Variants in SPTBN5 observed in about 807,000 individuals in gnomAD.
SPTBN5 encodes the protein spectrin beta, non-erythrocytic 5, also known as spectrin beta chain, non-erythrocytic 5.
A neutral mutation model predicts 477.6 loss-of-function variants in SPTBN5; 513 were observed. That is an observed-to-expected ratio of 1.07 (90% CI 1.00 to 1.16). The LOEUF is 1.16. Ranked by LOEUF, SPTBN5 falls within the 50% of genes most tolerant of loss-of-function variation. The pLI is 0.00. For synonymous variants in SPTBN5, 2,169 were observed against 2,011.7 expected (o/e 1.08, Z -2.09); for missense variants, 5,062 against 4,731.8 (o/e 1.07, Z -2.05).
intron 25 of SPTBN5, 96 bp downstream of exon 25, chr15:41,873,749 C>T (rs1341456731): frequency 2.6e-6 from 4 of 1,541,166 alleles, no homozygotes. Context: ...CCCAGAGCCC[C>T]CACCACTGAT....
intron 3 of SPTBN5, 140 bp from the exon 4 acceptor site, chr15:41,890,345 AGCAG>A (rs1441430962): frequency 3.1e-6 from 2 of 651,086 alleles, no homozygotes; most frequent in Non-Finnish European, 5.6e-6. Context: ...CTCAGGGAGA[AGCAG>A]GCAGGGGATA....
At chr15:41,878,296 C>A in intron 17 of SPTBN5, 46 bp downstream of exon 17, 1 of 1,592,082 alleles carries the variant, frequency 6.3e-7, no homozygotes. Context: ...AGCCCAGAGC[C>A]CTGGTCCCAG....
In SPTBN5 at chr15:41,868,198, G is replaced by A; in HGVS notation, c.6078C>T (p.Ala2026=). 1 of 1,581,822 alleles carries A rather than the reference G, an allele frequency of 6.3e-7. No homozygotes were observed. Among genetic ancestry groups the A allele is most frequent in the Non-Finnish European group, 8.6e-7 (1 of 1,164,112 alleles). Residue 2026 remains alanine (A), a synonymous_variant, in exon 34 of 68, where the codon GCC becomes GCT. Coordinates refer to ENST00000320955, the MANE Select transcript of SPTBN5 (RefSeq NM_016642.4). ...ACACCTGGTCCCGCTGGTCCTGCAG[G>A]GCTCGAAGCTCTTCCTGGACCTGGG... ...PTKEVQEELR[A]LQDQRDQVYQ... is the part of the protein sequence containing the mutation.
At chr15:41,878,026 G>C (rs545586693) in intron 17 of SPTBN5, among the ~76,000 whole-genome samples, 1 of 152,200 alleles carries the variant, frequency 6.6e-6, no homozygotes, top group Non-Finnish European at 1.5e-5. Context: ...GACGGCAGGG[G>C]GGGCTAGACG....
chr15:41,856,903 C>T lies in SPTBN5; in HGVS notation c.8758G>A (p.Asp2920Asn), dbSNP rs748356701. 7 of 1,552,968 alleles carry T rather than the reference C, an allele frequency of 4.5e-6. No homozygotes were observed. The East Asian group carries it at 1.5e-4, about 32-fold the overall frequency. ...ACCGCACTCAGGCTCTGGCCATAGTCCTGGGCAGCGGCCAGAGGCAGCTTC... is the reference window on the plus strand; with the variant it reads ...ACCGCACTCAGGCTCTGGCCATAGTTCTGGGCAGCGGCCAGAGGCAGCTTC... ...QEKLPLAAAQ[D>N]YGQSLSAVRH... The change falls in exon 52 of 68, where the codon GAC (aspartate) becomes AAC (asparagine). Residue 2920 changes from aspartate (D) to asparagine (N), a missense_variant. Transcript: ENST00000320955.
intron 42 of SPTBN5, 42 bp downstream of exon 42, chr15:41,862,741 GTCCTACT>G: frequency 6.5e-7 from 1 of 1,545,336 alleles, no homozygotes; most frequent in African/African-American, 1.4e-5. Context: ...TGTGCCCAGG[GTCCTACT>G]CAGGAGATGC....
At position 41,852,994 on chromosome 15, in the gene SPTBN5, C is replaced by A. The variant is rs1454314471; in HGVS notation, c.10177G>T (p.Glu3393Ter). 2.0e-6 allele frequency: 3 copies of A among 1,536,234 alleles called. No individual in the cohort carries two copies. The African/African-American group carries it at 4.1e-5, about 21-fold the overall frequency. Reference protein sequence around the residue: ...NSHFMSAEVTECLQELEGRLQ... With the variant: ...NSHFMSAEVT The stretch of plus-strand genomic sequence containing the variant: ...CGCCCTTCCAGCTCCTGCAGGCACT[C>A]TGTCACCTGGTGGGGAGGGGCTGCT... Residue 3393 changes from glutamate to a stop codon, truncating the protein, a stop_gained, in exon 60 of 68, where the codon GAG becomes TAG. Transcript: ENST00000320955. LOFTEE classifies it high-confidence loss of function.
At chr15:41,850,981 G>A (rs766225930) in intron 65 of SPTBN5, 42 bp from the exon 66 acceptor site, 8 of 1,589,368 alleles carry the variant, frequency 5.0e-6, no homozygotes, top group Non-Finnish European at 6.0e-6. Context: ...TGTCCCTTTG[G>A]GGACCCCCAC....
At chr15:41,874,205 A>T in intron 24 of SPTBN5, 87 bp downstream of exon 24, 1 of 1,524,916 alleles carries the variant, frequency 6.6e-7, no homozygotes. Context: ...GAGGGCTTAG[A>T]GGCCAGGACA....
At position 41,876,300 on chromosome 15, in the gene SPTBN5, C is replaced by T. The variant is rs776734505; in HGVS notation, c.3952-16G>A. 1.0e-4 allele frequency: 154 copies of T among 1,537,112 alleles called. No homozygotes were observed. Among genetic ancestry groups the T allele is most frequent in the Middle Eastern group, 3.4e-4 (2 of 5,926 alleles). On this transcript the variant is annotated splice_polypyrimidine_tract_variant and intron_variant, in intron 20 of 67. Transcript: ENST00000320955. ...GCTTCCACTCCTGCCAAGAACCAGG[C>T]GAGAGTGGGTCTCAGAGCACGGTGG...
Position 41,866,479 on chromosome 15 carries a change from G to T in SPTBN5, c.6495C>A (p.Ile2165=). ...CCTTCAGCTGCTGGGCCCACGCCTGGATCCAGTCCTCAGCCTGGTGGGGGT... is the reference window on the plus strand; with the variant it reads ...CCTTCAGCTGCTGGGCCCACGCCTGTATCCAGTCCTCAGCCTGGTGGGGGT... ...TQAATQAEDW[I]QAWAQQLKEP... is the part of the protein sequence containing the mutation. The change falls in exon 37 of 68, where the codon ATC becomes ATA. Residue 2165 remains isoleucine (I), a synonymous_variant. Coordinates refer to ENST00000320955, the MANE Select transcript of SPTBN5 (RefSeq NM_016642.4). The T allele has an allele frequency of 6.3e-7, 1 of 1,575,548 alleles. No individual in the cohort carries two copies.
intron 32 of SPTBN5, among the ~76,000 whole-genome samples, chr15:41,868,947 GGAAA>G (rs2066435791): frequency 6.6e-6 from 1 of 152,188 alleles, no homozygotes; most frequent in Non-Finnish European, 1.5e-5. Flanking sequence ...TGCTTGATGG[GGAAA>G]GAAAGTTCAC....
At position 41,855,238 on chromosome 15, in the gene SPTBN5, G is replaced by A. The variant is rs751747692; in HGVS notation, c.9409C>T (p.Leu3137=). 5 of 1,611,984 alleles carry A rather than the reference G, an allele frequency of 3.1e-6. No homozygotes were observed. The highest frequency in any genetic ancestry group is 4.2e-6 in the Non-Finnish European group (5 of 1,179,274). The change falls in exon 55 of 68, where the codon CTG becomes TTG. Residue 3137 remains leucine, a synonymous_variant. Coordinates refer to ENST00000320955, the MANE Select transcript of SPTBN5 (RefSeq NM_016642.4). ...GAGTAACTCACCTTGACACCCTCCAGGTCCTGCCCGTAGTCCTGGGACTCG... is the reference window on the plus strand; with the variant it reads ...GAGTAACTCACCTTGACACCCTCCAAGTCCTGCCCGTAGTCCTGGGACTCG... ...TAESQDYGQD[L]EGVKVLEEKF...
In SPTBN5 at chr15:41,876,557, G is replaced by A. The variant is rs1175960167; in HGVS notation, c.3942C>T (p.Leu1314=). 6.3e-7 allele frequency: 1 copy of A among 1,598,190 alleles called. No homozygotes were observed. Among genetic ancestry groups the A allele is most frequent in the East Asian group, 2.3e-5 (1 of 44,104 alleles). Residue 1314 remains leucine, a synonymous_variant, in exon 20 of 68, where the codon CTC becomes CTT. Coordinates refer to ENST00000320955, the MANE Select transcript of SPTBN5 (RefSeq NM_016642.4). ...EQRRRQLLAS[L]QLQEWKQDVA... ...GGGCCCAGACCCTCACCTGGAGCTG[G>A]AGGGAAGCCAGCAACTGCCTCCTCC...
At position 41,893,466 on chromosome 15, in the gene SPTBN5, A is replaced by C. The variant is rs1468144690; in HGVS notation, c.32T>G (p.Leu11Arg). The change falls in exon 2 of 68, where the codon CTC (leucine) becomes CGC (arginine). Residue 11 changes from leucine (L) to arginine (R), a missense_variant. Physicochemically the swap from Leu to Arg is moderately radical, Grantham distance 102. Transcript: ENST00000320955. ...GCTGCGGTGCCCTGCAGCCCCGAGG[A>C]GCTCCCGGGGACTGTGGGGCTGACC... Reference protein sequence around the residue: MAGQPHSPRELLGAAGHRSRR... With the variant: MAGQPHSPRERLGAAGHRSRR... The C allele has an allele frequency of 6.2e-7, 1 of 1,601,976 alleles. No homozygotes were observed. The highest frequency in any genetic ancestry group is 1.7e-5 in the Admixed American group (1 of 58,534).
At chr15:41,881,897 C>T (rs1158235318) in intron 12 of SPTBN5, 39 bp downstream of exon 12, 2 of 1,500,130 alleles carry the variant, frequency 1.3e-6, no homozygotes, top group Non-Finnish European at 1.8e-6. Context: ...CGCGGTGGAG[C>T]AAGGGAGACC....
intron 1 of SPTBN5, 33 bp downstream of exon 1, chr15:41,893,866 G>A (rs892573569): frequency 2.0e-5 from 6 of 306,040 alleles, no homozygotes; most frequent in Non-Finnish European, 3.1e-5. Flanking sequence ...TCTGCTGGAC[G>A]GATGGAGATG....
rs993514449 is a variant in SPTBN5 at position 41,870,366 on chromosome 15, G to A, written c.5563-13C>T. 3.2e-6 allele frequency: 5 copies of A among 1,586,838 alleles called. No homozygotes were observed. The African/African-American group carries it at 6.7e-5, about 21-fold the overall frequency. ...TCGTGGCTTTCTCCTGAGGAAGGGA[G>A]AATGCCGAGGAGATGAGGGATGGAG... On this transcript the variant is annotated splice_polypyrimidine_tract_variant and intron_variant, in intron 30 of 67. Coordinates refer to ENST00000320955, the MANE Select transcript of SPTBN5 (RefSeq NM_016642.4).
Position 41,852,326 on chromosome 15 carries a change from T to G in SPTBN5, c.10450-10A>C, listed in dbSNP as rs371115184. ...GGAGCTCCTGTTCCATCTTGGGGAGTGGGCAAGGTGGGCAAGGTGAGCCAG... is the reference window on the plus strand; with the variant it reads ...GGAGCTCCTGTTCCATCTTGGGGAGGGGGCAAGGTGGGCAAGGTGAGCCAG... On this transcript the variant is annotated splice_polypyrimidine_tract_variant and intron_variant, in intron 61 of 67. Coordinates refer to ENST00000320955, the MANE Select transcript of SPTBN5 (RefSeq NM_016642.4). 1.3e-6 allele frequency: 2 copies of G among 1,544,840 alleles called. No homozygotes were observed. Among genetic ancestry groups the G allele is most frequent in the African/African-American group, 1.4e-5 (1 of 73,234 alleles).
Sources: allele counts gnomAD v4.1 joint callset (sites outside exome capture counted in the v4.1 genomes callset), GRCh38; gene constraint gnomAD v4.1.1; transcripts MANE v1.5; gene names NCBI Gene and HGNC (gene_info 2026-07-23, HGNC 2026-07-21).